DZANK1: variants seen among roughly 807,000 people sequenced by gnomAD.
DZANK1 encodes the protein double zinc ribbon and ankyrin repeat domains 1, also known as double zinc ribbon and ankyrin repeat-containing protein 1.
DZANK1 carries 91 observed loss-of-function variants against 94.5 expected under a neutral mutation model. That is an observed-to-expected ratio of 0.96 (90% confidence interval 0.81 to 1.15). DZANK1 has a LOEUF of 1.15. Ranked by LOEUF, DZANK1 falls within the 50% of genes most tolerant of loss-of-function variation. DZANK1 has a pLI of 0.00. For synonymous variants in DZANK1, 312 were observed against 325.3 expected (o/e 0.96, Z 0.44); for missense variants, 903 against 916.4 (o/e 0.99, Z 0.19).
At chr20:18,420,261 A>G (rs2057714687) in intron 10 of DZANK1, 1 of 192,474 alleles carries the variant, frequency 5.2e-6, no homozygotes, top group South Asian at 1.2e-4. Context: ...GCTTGCACCC[A>G]TAGGTGTTTA....
At chr20:18,455,971 GCAT>G (rs2059272427) in intron 3 of DZANK1, among the ~76,000 whole-genome samples, 1 of 152,152 alleles carries the variant, frequency 6.6e-6, no homozygotes, top group Non-Finnish European at 1.5e-5. Flanking sequence ...GAAGCCCTTG[GCAT>G]CATTTCTGAA....
chr20:18,390,344 T>C (rs770618828), intron 18 of DZANK1, 35 bp downstream of exon 18: 2 of 1,595,592 alleles, frequency 1.3e-6, no homozygotes, highest in Middle Eastern at 1.7e-4. Context: ...CAGGCTGAAC[T>C]CTTCAGAGAG....
intron 10 of DZANK1, among the ~76,000 whole-genome samples, chr20:18,426,650 G>T (rs962921502): frequency 2.0e-5 from 3 of 152,158 alleles, no homozygotes; most frequent in Non-Finnish European, 4.4e-5. Context: ...GGAAACCCAA[G>T]AAATAGGTGG....
rs575442254 is a variant in DZANK1 at position 18,450,934 on chromosome 20, CCTTTT to C, written c.543+1676_543+1680del. 6.6e-5 allele frequency among the ~76,000 whole-genome samples: 10 copies of C among 152,034 alleles called. No individual in the cohort carries two copies. In the South Asian group the frequency reaches 2.1e-3, roughly 32 times the overall value. ...ATAGTAGTAAGAATGCACTGATATG[CCTTTT>C]ATTTTTATTTTTATTTTCATTTTTG... On this transcript the variant is annotated intron_variant, in intron 6 of 20. Coordinates refer to ENST00000262547, the Ensembl canonical transcript of DZANK1.
intron 9 of DZANK1, among the ~76,000 whole-genome samples, chr20:18,430,340 A>C (rs1204307669): frequency 6.6e-6 from 1 of 152,232 alleles, no homozygotes; most frequent in African/African-American, 2.4e-5. Flanking sequence ...TCTTTTCAGG[A>C]GTATTTCAGA....
chr20:18,460,176 T>C (rs1347819408), exon 3 of DZANK1: 1 of 1,559,504 alleles, frequency 6.4e-7, no homozygotes, highest in South Asian at 1.2e-5. Flanking sequence ...TAGCTTTAAC[T>C]TGTATTTTTC....
chr20:18,452,796 CA>C, intron 5 of DZANK1, 57 bp from the exon 6 acceptor site: 1 of 1,484,288 alleles, frequency 6.7e-7, no homozygotes, highest in Admixed American at 2.4e-5. Flanking sequence ...CATAATCATA[CA>C]AAGATATCTT....
At chr20:18,443,284 T>TA in intron 8 of DZANK1, 63 bp downstream of exon 8, 1 of 1,094,818 alleles carries the variant, frequency 9.1e-7, no homozygotes, top group Non-Finnish European at 1.4e-6. Context: ...AGCACTGTGT[T>TA]ACTGCTGCAA....
At chr20:18,456,116 C>A (rs1013283792) in intron 3 of DZANK1, among the ~76,000 whole-genome samples, 1 of 152,166 alleles carries the variant, frequency 6.6e-6, no homozygotes, top group African/African-American at 2.4e-5. Flanking sequence ...AGATATCAGA[C>A]CATAAGCCTC....
chr20:18,397,486 G>A (rs2056409856), intron 14 of DZANK1, among the ~76,000 whole-genome samples: 1 of 152,200 alleles, frequency 6.6e-6, no homozygotes, highest in African/African-American at 2.4e-5. Flanking sequence ...AGACCCAGCA[G>A]TGTAGTCTTG....
chr20:18,416,707 A>G (rs2057505776), intron 10 of DZANK1, among the ~76,000 whole-genome samples: 1 of 152,154 alleles, frequency 6.6e-6, no homozygotes, highest in South Asian at 2.1e-4. Context: ...AGGCCACATC[A>G]GCCCCCAGCA....
At chr20:18,433,531 G>T in intron 9 of DZANK1, 121 bp downstream of exon 9, 1 of 802,686 alleles carries the variant, frequency 1.2e-6, no homozygotes, top group Non-Finnish European at 2.0e-6. Context: ...GACAGAACAA[G>T]ATTCTGTCTC....
intron 9 of DZANK1, 97 bp downstream of exon 9, chr20:18,433,555 A>C (rs940832606): frequency 7.7e-6 from 9 of 1,172,114 alleles, no homozygotes; most frequent in Admixed American, 4.8e-5. Flanking sequence ...AAAAAAAAAA[A>C]ATTGTTACCC....
At chr20:18,453,971 T>C (rs1415638133) in intron 4 of DZANK1, 144 bp from the exon 5 acceptor site, 1 of 759,432 alleles carries the variant, frequency 1.3e-6, no homozygotes, top group South Asian at 1.4e-5. Flanking sequence ...TGTTTCACTT[T>C]ATTCTGGAAA....
chr20:18,430,636 G>A (rs970682907), intron 9 of DZANK1, among the ~76,000 whole-genome samples: 5 of 152,212 alleles, frequency 3.3e-5, no homozygotes, highest in African/African-American at 1.2e-4. Flanking sequence ...GCAACAAGGT[G>A]AAACCCCATC....
At chr20:18,412,704 C>T in exon 13 of DZANK1, 1 of 1,613,596 alleles carries the variant, frequency 6.2e-7, no homozygotes, top group Non-Finnish European at 8.5e-7. Flanking sequence ...TCTCCTGCCT[C>T]TGCTTTTGAG....
intron 13 of DZANK1, among the ~76,000 whole-genome samples, chr20:18,405,756 T>C (rs1174358054): frequency 6.6e-6 from 1 of 152,176 alleles, no homozygotes; most frequent in Non-Finnish European, 1.5e-5. Flanking sequence ...CAATACCTGG[T>C]TTTAACTTCA....
intron 9 of DZANK1, among the ~76,000 whole-genome samples, chr20:18,430,768 C>A (rs1224699842): frequency 6.6e-6 from 1 of 152,046 alleles, no homozygotes; most frequent in African/African-American, 2.4e-5. Flanking sequence ...GAGCCATGAT[C>A]GTGCCACTGC....
At chr20:18,462,023 T>A (rs1601201132) in intron 2 of DZANK1, among the ~76,000 whole-genome samples, 1 of 152,252 alleles carries the variant, frequency 6.6e-6, no homozygotes, top group Admixed American at 6.5e-5. Context: ...TAGTGTGTTA[T>A]CCATTTTTCT....
Sources: gnomAD v4.1 joint callset for allele counts (sites outside exome capture counted in the v4.1 genomes callset) on GRCh38, gnomAD v4.1.1 for gene constraint, MANE v1.5 for transcripts, NCBI Gene and HGNC (gene_info 2026-07-23, HGNC 2026-07-21) for gene names.